Variants in ANKRD36B observed in about 807,000 individuals in gnomAD.
The protein encoded by ANKRD36B is ankyrin repeat domain 36B, also known as ankyrin repeat domain-containing protein 36B.
A neutral mutation model predicts 135.7 loss-of-function variants in ANKRD36B; 37 were observed. That is an observed-to-expected ratio of 0.27 (90% CI 0.21 to 0.36). ANKRD36B has a LOEUF of 0.36. Among genes scored for constraint, ANKRD36B ranks in the 10% least tolerant of loss-of-function variants. ANKRD36B has a pLI of 1.00. For synonymous variants in ANKRD36B, 179 were observed against 348.1 expected, an observed-to-expected ratio of 0.51 and a Z score of 5.41; for missense variants, 549 against 1,037.1, an observed-to-expected ratio of 0.53 and a Z score of 6.46.
chr2:97,564,329 A>G (rs1461032296), intron 6 of ANKRD36B, among the ~76,000 whole-genome samples: 1 of 152,076 alleles, frequency 6.6e-6, no homozygotes, highest in Admixed American at 6.6e-5. Flanking sequence ...TAAAACTCAG[A>G]GGTACCCCAC....
intron 6 of ANKRD36B, among the ~76,000 whole-genome samples, chr2:97,568,566 T>G (rs1438705916): frequency 6.6e-6 from 1 of 152,130 alleles, no homozygotes; most frequent in Non-Finnish European, 1.5e-5. Context: ...CAGCTTTCAT[T>G]TTTAGCTCCT....
intron 22 of ANKRD36B, among the ~76,000 whole-genome samples, 177 bp from the exon 23 acceptor site, chr2:97,546,038 T>C (rs905499751): frequency 6.6e-6 from 1 of 151,576 alleles, no homozygotes; most frequent in Non-Finnish European, 1.5e-5. Flanking sequence ...AAAAAGGGAA[T>C]ACAGGCTCCA....
chr2:97,533,006 A>T lies in ANKRD36B; in HGVS notation c.2192-622T>A. On this transcript the variant is annotated intron_variant, in intron 34 of 43. Transcript: ENST00000359901. ...ATAGAAACAGAAAAAGTAACAGCACACTGTTCTTTACTTCACAATAGTACC... is the reference window on the plus strand; with the variant it reads ...ATAGAAACAGAAAAAGTAACAGCACTCTGTTCTTTACTTCACAATAGTACC... 2.1e-5 allele frequency among the ~76,000 whole-genome samples: 2 copies of T among 96,226 alleles called. 1 individual carries two copies. Among genetic ancestry groups the T allele is most frequent in the Non-Finnish European group, 5.5e-5 (2 of 36,300 alleles). The allele number at this position is 96,226 out of a possible 152,430, so 63.1% of individuals were successfully genotyped here. A position where few individuals can be genotyped will look rare whatever the true frequency, so the allele number is the denominator to read the frequency against.
At chr2:97,576,088 TA>T (rs1438608693) in intron 6 of ANKRD36B, among the ~76,000 whole-genome samples, 1 of 54,208 alleles carries the variant, frequency 1.8e-5, no homozygotes, top group Non-Finnish European at 1.1e-4. Flanking sequence ...ATGTGACTAT[TA>T]AAAAAATACA....
chr2:97,494,258 A>G (rs549038617), intron 43 of ANKRD36B, among the ~76,000 whole-genome samples: 2 of 67,144 alleles, frequency 3.0e-5, no homozygotes, highest in South Asian at 4.6e-4. Context: ...AGGAACAGGT[A>G]TAAGACTAGG....
intron 43 of ANKRD36B, among the ~76,000 whole-genome samples, chr2:97,494,263 A>AC: frequency 1.5e-5 from 1 of 65,274 alleles, no homozygotes; most frequent in South Asian, 2.3e-4. Context: ...CAGGTATAAG[A>AC]CTAGGTATAA....
Position 97,525,476 on chromosome 2 carries a change from G to A in ANKRD36B, c.2266-2009C>T, listed in dbSNP as rs1265196850. Among the ~76,000 whole-genome samples the A allele has an allele frequency of 3.1e-5, 3 of 96,682 alleles. 1 individual carries two copies. The highest frequency in any genetic ancestry group is 6.2e-5 in the African/African-American group (2 of 32,140). 63.4% of individuals were successfully genotyped at this position (96,682 alleles called of 152,430 possible). On this transcript the variant is annotated intron_variant, in intron 35 of 43. Coordinates refer to ENST00000359901, the MANE Select transcript of ANKRD36B (RefSeq NM_001393939.1). The stretch of plus-strand genomic sequence containing the variant: ...GTCTACAGCTCCCAGTGTGAGCGAC[G>A]CAGAAGATGGGTGATTTCTGCATTT...
chr2:97,549,369 T>C, intron 20 of ANKRD36B, 50 bp downstream of exon 20: 1 of 1,521,258 alleles, frequency 6.6e-7, no homozygotes, highest in Non-Finnish European at 8.8e-7. Flanking sequence ...GGAAGAGAAC[T>C]TCTTATCTAT....
At position 97,525,840 on chromosome 2, in the gene ANKRD36B, G is replaced by A. The variant is rs1380005375; in HGVS notation, c.2266-2373C>T. ...TGAGATCAAACTGCAAGGCAGCAGT[G>A]AGGCTGGGGGAGGGGCGCCTGCCAT... On this transcript the variant is annotated intron_variant, in intron 35 of 43. Transcript: ENST00000359901. Among the ~76,000 whole-genome samples, 2 of 98,098 alleles carry A rather than the reference G, an allele frequency of 2.0e-5. 1 individual carries two copies. Among genetic ancestry groups the A allele is most frequent in the Non-Finnish European group, 5.5e-5 (2 of 36,646 alleles). 64.4% of individuals were successfully genotyped at this position (98,098 alleles called of 152,430 possible).
At position 97,558,868 on chromosome 2, in the gene ANKRD36B, T is replaced by A. The variant is rs2080764832; in HGVS notation, c.898A>T (p.Thr300Ser). Residue 300 changes from threonine to serine, a missense_variant, in exon 10 of 44, where the codon ACA becomes TCA. Transcript: ENST00000359901. ...GAAACAGAATCTTTCTCGTCACTTGTAGCCTGAATGGGATTTGAAACAAAA... is the reference window on the plus strand; with the variant it reads ...GAAACAGAATCTTTCTCGTCACTTGAAGCCTGAATGGGATTTGAAACAAAA... Reference protein sequence around the residue: ...SSQKQPAEKATSDEKDSVSNI... With the variant: ...SSQKQPAEKASSDEKDSVSNI... The A allele has an allele frequency of 6.2e-7, 1 of 1,611,200 alleles. No individual in the cohort carries two copies. Among genetic ancestry groups the A allele is most frequent in the Non-Finnish European group, 8.5e-7 (1 of 1,178,806 alleles).
At position 97,555,934 on chromosome 2, in the gene ANKRD36B, T is replaced by C. The variant is rs553003560; in HGVS notation, c.1070-680A>G. Among the ~76,000 whole-genome samples, 85 of 151,838 alleles carry C rather than the reference T, an allele frequency of 5.6e-4. 1 individual carries two copies. Among genetic ancestry groups the C allele is most frequent in the Non-Finnish European group, 1.1e-3 (75 of 67,892 alleles). The stretch of plus-strand genomic sequence containing the variant: ...AGGAAGGTATAATATATAAACCTCA[T>C]CTAAAAGTACAATAAATTACACATA... On this transcript the variant is annotated intron_variant, in intron 12 of 43. Coordinates refer to ENST00000359901, the MANE Select transcript of ANKRD36B (RefSeq NM_001393939.1).
chr2:97,580,436 A>C, intron 4 of ANKRD36B, 26 bp downstream of exon 4: 1 of 1,502,510 alleles, frequency 6.7e-7, no homozygotes, highest in African/African-American at 1.4e-5. Flanking sequence ...GTTTAAAAAC[A>C]ACACAATAAG....
chr2:97,578,723 C>T (rs2082384990), intron 5 of ANKRD36B, among the ~76,000 whole-genome samples, 183 bp downstream of exon 5: 1 of 152,038 alleles, frequency 6.6e-6, no homozygotes, highest in Non-Finnish European at 1.5e-5. Context: ...CTTATCTAGC[C>T]TTTTTCTTGA....
At chr2:97,555,023 G>C in intron 14 of ANKRD36B, 37 bp downstream of exon 14, 1 of 1,604,744 alleles carries the variant, frequency 6.2e-7, no homozygotes, top group Non-Finnish European at 8.5e-7. Context: ...TTTCTATCTG[G>C]ACTGAACATG....
At chr2:97,579,501 T>C (rs967991035) in intron 4 of ANKRD36B, among the ~76,000 whole-genome samples, 2 of 128,346 alleles carry the variant, frequency 1.6e-5, no homozygotes, top group South Asian at 4.4e-4. Flanking sequence ...CATAAGCATG[T>C]GCTAGGCATT....
rs182472658 is a variant in ANKRD36B at position 97,554,339 on chromosome 2, T to C, written c.1171+721A>G. On this transcript the variant is annotated intron_variant, in intron 14 of 43. Transcript: ENST00000359901. ...AAGCCAATGTATTGATATTCAAGTT[T>C]ATCTAATTTTTATAACAAAAATCAA... 6.6e-3 allele frequency among the ~76,000 whole-genome samples: 997 copies of C among 152,100 alleles called. 54 individuals are homozygous for C. In the East Asian group the frequency reaches 0.11, roughly 16 times the overall value.
chr2:97,562,117 C>T (rs1400161867), intron 6 of ANKRD36B, among the ~76,000 whole-genome samples: 1 of 151,846 alleles, frequency 6.6e-6, no homozygotes, highest in Non-Finnish European at 1.5e-5. Flanking sequence ...TCTCTTCGTC[C>T]ACTTTTGCAA....
In ANKRD36B at chr2:97,579,537, T is replaced by C. The variant is rs975334991; in HGVS notation, c.558-494A>G. Among the ~76,000 whole-genome samples, 5 of 147,868 alleles carry C rather than the reference T, an allele frequency of 3.4e-5. No individual in the cohort carries two copies. In the South Asian group the frequency reaches 1.0e-3, roughly 31 times the overall value. On this transcript the variant is annotated intron_variant, in intron 4 of 43. Coordinates refer to ENST00000359901, the MANE Select transcript of ANKRD36B (RefSeq NM_001393939.1). The stretch of plus-strand genomic sequence containing the variant: ...TAATTAAACACTATATATATATATA[T>C]ATGGAGGATAATAATATATCCTTCA...
At chr2:97,541,003 C>A (rs2079124438) in intron 28 of ANKRD36B, among the ~76,000 whole-genome samples, 1 of 95,976 alleles carries the variant, frequency 1.0e-5, no homozygotes, top group South Asian at 2.4e-4. Flanking sequence ...TTTACATTCA[C>A]AAATCACTCC....
Sources: gnomAD v4.1 joint callset for allele counts (sites outside exome capture counted in the v4.1 genomes callset) on GRCh38, gnomAD v4.1.1 for gene constraint, MANE v1.5 for transcripts, NCBI Gene and HGNC (gene_info 2026-07-23, HGNC 2026-07-21) for gene names.